Variants in LRP1B observed in about 807,000 individuals in gnomAD.
LRP1B encodes LDL receptor related protein 1B.
In LRP1B, 217 loss-of-function variants were observed where a neutral mutation model predicts 556.6. The ratio of observed to expected loss-of-function variants is 0.39; its 90% confidence interval spans 0.35 to 0.44. The LOEUF (loss-of-function observed/expected upper bound fraction) is 0.44. Ranked by LOEUF, LRP1B falls within the 20% of genes least tolerant of loss-of-function variation. The pLI is 1.00. For synonymous variants in LRP1B, 2,047 were observed against 1,865.8 expected (o/e 1.10, Z -2.50); for missense variants, 5,053 against 5,620.8 (o/e 0.90, Z 3.23).
chr2:141,960,487 T>C (rs1243131233), intron 1 of LRP1B, among the ~76,000 whole-genome samples: 1 of 151,920 alleles, frequency 6.6e-6, no homozygotes, highest in Non-Finnish European at 1.5e-5. Flanking sequence ...ATTGTAATTA[T>C]GGTGCTCCTT....
chr2:140,752,858 A>G (rs1688627606), intron 35 of LRP1B, among the ~76,000 whole-genome samples: 1 of 152,210 alleles, frequency 6.6e-6, no homozygotes, highest in African/African-American at 2.4e-5. Context: ...GTTTACTAAA[A>G]TTGATAAATC....
At chr2:140,881,024 CAATAATTAGTG>C (rs1234910733) in intron 25 of LRP1B, among the ~76,000 whole-genome samples, 1 of 151,928 alleles carries the variant, frequency 6.6e-6, no homozygotes, top group African/African-American at 2.4e-5. Flanking sequence ...TCATATTTCT[CAATAATTAGTG>C]AATTTTATCT....
intron 1 of LRP1B, among the ~76,000 whole-genome samples, chr2:142,019,484 C>A (rs1458438320): frequency 6.6e-6 from 1 of 152,122 alleles, no homozygotes; most frequent in Non-Finnish European, 1.5e-5. Flanking sequence ...TGCTATTACT[C>A]ACTCCATGTC....
chr2:140,437,977 A>C (rs2105294192), intron 66 of LRP1B, among the ~76,000 whole-genome samples: 1 of 152,334 alleles, frequency 6.6e-6, no homozygotes, highest in African/African-American at 2.4e-5. Flanking sequence ...ATAACATGAT[A>C]CTTGTTATAT....
At chr2:141,926,604 T>G (rs1030657552) in intron 1 of LRP1B, among the ~76,000 whole-genome samples, 3 of 152,180 alleles carry the variant, frequency 2.0e-5, no homozygotes, top group Non-Finnish European at 4.4e-5. Context: ...TCAGCAAGTG[T>G]CTTAAGGATT....
At position 141,276,658 on chromosome 2, in the gene LRP1B, C is replaced by CTT. The variant is rs11353705; in HGVS notation, c.344-22019_344-22018dup. 9.4e-3 allele frequency among the ~76,000 whole-genome samples: 1,152 copies of CTT among 122,916 alleles called. 23 individuals are homozygous for CTT. Among genetic ancestry groups the CTT allele is most frequent in the African/African-American group, 0.032 (1,026 of 32,508 alleles). The allele number at this position is 122,916 out of a possible 152,430, so 80.6% of individuals were successfully genotyped here. A position where few individuals can be genotyped will look rare whatever the true frequency, so the allele number is the denominator to read the frequency against. ...TATTTTTTTCTTTCTTTCTTTCTTT[C>CTT]TTTTTTTTTTTTTTTTGAGACAGAG... is the stretch of plus-strand genomic sequence containing the variant. On this transcript the variant is annotated intron_variant, in intron 3 of 90. Coordinates refer to ENST00000389484, the MANE Select transcript of LRP1B (RefSeq NM_018557.3).
At chr2:141,393,240 C>A in intron 3 of LRP1B, among the ~76,000 whole-genome samples, 1 of 152,208 alleles carries the variant, frequency 6.6e-6, no homozygotes, top group Non-Finnish European at 1.5e-5. Context: ...CACACACACA[C>A]AAACACACAA....
intron 25 of LRP1B, among the ~76,000 whole-genome samples, chr2:140,879,154 A>C (rs1012232878): frequency 1.3e-5 from 2 of 152,170 alleles, no homozygotes; most frequent in Admixed American, 6.6e-5. Context: ...CTTCTGATGC[A>C]TCATCTTTTG....
chr2:142,086,637 AAAC>A, intron 1 of LRP1B, among the ~76,000 whole-genome samples: 1 of 23,160 alleles, frequency 4.3e-5, no homozygotes, highest in African/African-American at 9.9e-5. Context: ...ACAAACAAAC[AAAC>A]AAAAAAAAAA....
intron 32 of LRP1B, among the ~76,000 whole-genome samples, chr2:140,793,812 G>A (rs1359824448): frequency 6.6e-6 from 1 of 151,840 alleles, no homozygotes; most frequent in Non-Finnish European, 1.5e-5. Context: ...CTGCTAGCTA[G>A]AAGCGTACTC....
chr2:140,804,649 AT>A (rs869167644), intron 32 of LRP1B, among the ~76,000 whole-genome samples: 1,028 of 57,918 alleles, frequency 0.018, 7 homozygotes, highest in African/African-American at 0.054. Context: ...GTAAAAACTA[AT>A]TTTTTTTTTT....
chr2:141,508,088 C>CCA (rs1553523449), intron 2 of LRP1B, among the ~76,000 whole-genome samples: 9 of 149,204 alleles, frequency 6.0e-5, no homozygotes, highest in Admixed American at 3.3e-4. Flanking sequence ...TCCATCCCCC[C>CCA]CCCAAAAAAA....
intron 77 of LRP1B, among the ~76,000 whole-genome samples, chr2:140,343,590 A>T (rs977521668): frequency 6.6e-6 from 1 of 151,746 alleles, no homozygotes; most frequent in Non-Finnish European, 1.5e-5. Context: ...TGACACGGTA[A>T]GGTCTCAAAA....
At chr2:140,397,483 T>G (rs1255536006) in intron 66 of LRP1B, among the ~76,000 whole-genome samples, 1 of 152,216 alleles carries the variant, frequency 6.6e-6, no homozygotes, top group East Asian at 1.9e-4. Context: ...ATATACTTTT[T>G]GGGAAATTTA....
chr2:141,362,713 G>C (rs550584266), intron 3 of LRP1B, among the ~76,000 whole-genome samples: 27 of 151,764 alleles, frequency 1.8e-4, no homozygotes, highest in Non-Finnish European at 3.1e-4. Context: ...AAAAGAATTT[G>C]GTATTTTGTG....
chr2:142,031,442 T>G (rs1703704951), intron 1 of LRP1B, among the ~76,000 whole-genome samples: 1 of 128,794 alleles, frequency 7.8e-6, no homozygotes, highest in Non-Finnish European at 1.7e-5. Flanking sequence ...CCCACTAATG[T>G]GTCATCTAGC....
intron 3 of LRP1B, among the ~76,000 whole-genome samples, chr2:141,274,126 T>C (rs1281820035): frequency 6.6e-6 from 1 of 152,220 alleles, no homozygotes; most frequent in African/African-American, 2.4e-5. Flanking sequence ...ATATAAATGA[T>C]CCAGCTACTT....
intron 7 of LRP1B, among the ~76,000 whole-genome samples, chr2:141,163,534 C>G (rs955253326): frequency 5.3e-5 from 8 of 152,060 alleles, no homozygotes; most frequent in African/African-American, 1.9e-4. Context: ...TGTCCTCACC[C>G]AAATCTCATC....
chr2:141,001,634 G>T (rs549284658), intron 15 of LRP1B, among the ~76,000 whole-genome samples: 1 of 152,114 alleles, frequency 6.6e-6, no homozygotes, highest in Non-Finnish European at 1.5e-5. Context: ...GAGATCCTTT[G>T]CTCCTGCGGC....
Sources: allele counts gnomAD v4.1 joint callset (sites outside exome capture counted in the v4.1 genomes callset), GRCh38; gene constraint gnomAD v4.1.1; transcripts MANE v1.5; gene names NCBI Gene and HGNC (gene_info 2026-07-23, HGNC 2026-07-21).